Variants in SPNS3 observed in about 807,000 individuals in gnomAD.
The protein encoded by SPNS3 is protein spinster homolog 3.
A neutral mutation model predicts 54.4 loss-of-function variants in SPNS3; 51 were observed. That is an observed-to-expected ratio of 0.94 (90% confidence interval 0.75 to 1.18). The LOEUF (loss-of-function observed/expected upper bound fraction) is 1.18. Ranked by LOEUF, SPNS3 falls within the 50% of genes most tolerant of loss-of-function variation. SPNS3 has a pLI of 0.00. For synonymous variants in SPNS3, 309 were observed against 294.7 expected, an observed-to-expected ratio of 1.05 and a Z score of -0.50; for missense variants, 669 against 677.4, an observed-to-expected ratio of 0.99 and a Z score of 0.14.
Position 4,433,980 on chromosome 17 carries a change from A to G in SPNS3, c.13A>G (p.Met5Val), listed in dbSNP as rs753896781. The G allele has an allele frequency of 6.5e-7, 1 of 1,538,368 alleles. No individual in the cohort carries two copies. MAGG[M>V]SAECPEPGPG... is the part of the protein sequence containing the mutation. ...GCTGCAGGCTGGCATGGCTGGGGGG[A>G]TGTCAGCGGAGTGCCCTGAGCCTGG... Residue 5 changes from methionine to valine, a missense_variant, in exon 1 of 12, where the codon ATG (methionine) becomes GTG (valine). Coordinates refer to ENST00000355530, the MANE Select transcript of SPNS3 (RefSeq NM_182538.5).
chr17:4,438,202 A>T (rs1352867166), intron 1 of SPNS3, among the ~76,000 whole-genome samples: 1 of 152,156 alleles, frequency 6.6e-6, no homozygotes, highest in Non-Finnish European at 1.5e-5. Context: ...GCGGGGACCC[A>T]CTTGGGGGCT....
At chr17:4,452,102 C>T (rs1288135068) in intron 7 of SPNS3, among the ~76,000 whole-genome samples, 2 of 151,288 alleles carry the variant, frequency 1.3e-5, no homozygotes, top group Admixed American at 1.3e-4. Flanking sequence ...TTTTCTCAGC[C>T]TCACCTTGCT....
At position 4,479,232 on chromosome 17, in the gene SPNS3, T is replaced by G. The variant is rs1271045577; in HGVS notation, c.1179+595T>G. ...CTGGGATTACAGGCGTGAGCCACCG[T>G]GCCTGGCCCCTCCCTCCTTCTTTCT... On this transcript the variant is annotated intron_variant, in intron 9 of 11. Coordinates refer to ENST00000355530, the MANE Select transcript of SPNS3 (RefSeq NM_182538.5). 9.8e-5 allele frequency among the ~76,000 whole-genome samples: 15 copies of G among 152,362 alleles called. 1 individual carries two copies. In the East Asian group the frequency reaches 2.7e-3, roughly 27 times the overall value.
chr17:4,452,510 G>A (rs1339043647), intron 7 of SPNS3, among the ~76,000 whole-genome samples: 1 of 152,002 alleles, frequency 6.6e-6, no homozygotes, highest in African/African-American at 2.4e-5. Flanking sequence ...TGGAAGGATG[G>A]GATTCAAGGA....
chr17:4,486,640 C>A lies in SPNS3; in HGVS notation c.1450+57C>A. ...GGGCCGGCACCCTAGGGACAGACAG[C>A]ACTGGCCACCCCCTGAATCCCTGGC... On this transcript the variant is annotated intron_variant, in intron 11 of 11. Coordinates refer to ENST00000355530, the MANE Select transcript of SPNS3 (RefSeq NM_182538.5). This position sits in a 1 kb window ranked among gnomAD's most constrained non-coding sequence, Gnocchi z 5.5. The A allele has an allele frequency of 1.3e-6, 2 of 1,523,638 alleles. No individual in the cohort carries two copies. Among genetic ancestry groups the A allele is most frequent in the Non-Finnish European group, 1.8e-6 (2 of 1,125,218 alleles). The allele number at this position is 1,523,638 out of a possible 1,614,324, so 94.4% of individuals were successfully genotyped here. A position where few individuals can be genotyped will look rare whatever the true frequency, so the allele number is the denominator to read the frequency against.
chr17:4,486,341 C>G lies in SPNS3; in HGVS notation c.1278+15C>G. The G allele has an allele frequency of 1.4e-6, 2 of 1,380,926 alleles. No homozygotes were observed. Among genetic ancestry groups the G allele is most frequent in the Non-Finnish European group, 2.0e-6 (2 of 996,036 alleles). 85.5% of individuals were successfully genotyped at this position (1,380,926 alleles called of 1,614,324 possible). On this transcript the variant is annotated intron_variant, in intron 10 of 11. Coordinates refer to ENST00000355530, the MANE Select transcript of SPNS3 (RefSeq NM_182538.5). This position sits in a 1 kb window ranked among gnomAD's most constrained non-coding sequence, Gnocchi z 5.5. ...TCACAGGACTTGTAAGACGTGTCTG[C>G]GTGTGTGGGGTGGGGAGGGTCTGGG... is the stretch of plus-strand genomic sequence containing the variant.
chr17:4,479,507 T>C (rs942663495), intron 9 of SPNS3, among the ~76,000 whole-genome samples: 1 of 152,254 alleles, frequency 6.6e-6, no homozygotes, highest in Admixed American at 6.5e-5. Flanking sequence ...CCAGCCTCCT[T>C]GCCTCCTTCT....
rs1970657949 is a variant in SPNS3, at chr17:4,434,234, A to G, written c.199+68A>G. ...CCCACCAGCCAGGGGCTGCAGATCCATGGTGGCCTTCCAGCCATCACCCAT... is the reference window on the plus strand; with the variant it reads ...CCCACCAGCCAGGGGCTGCAGATCCGTGGTGGCCTTCCAGCCATCACCCAT... On this transcript the variant is annotated intron_variant, in intron 1 of 11. Transcript: ENST00000355530. The G allele has an allele frequency of 8.3e-6, 12 of 1,439,566 alleles. No individual in the cohort carries two copies. The East Asian group carries it at 2.6e-4, about 32-fold the overall frequency. 89.2% of individuals were successfully genotyped at this position (1,439,566 alleles called of 1,614,324 possible).
intron 9 of SPNS3, among the ~76,000 whole-genome samples, chr17:4,485,600 T>C (rs777035117): frequency 6.6e-6 from 1 of 152,168 alleles, no homozygotes; most frequent in Non-Finnish European, 1.5e-5. Flanking sequence ...TTTCACCATG[T>C]TGCCAGGCTG....
chr17:4,481,671 C>T (rs938142491), intron 9 of SPNS3, among the ~76,000 whole-genome samples: 2 of 152,202 alleles, frequency 1.3e-5, no homozygotes, highest in African/African-American at 4.8e-5. Context: ...AGCCTGGCTC[C>T]TCACTAGCTG....
At chr17:4,434,236 G>A in intron 1 of SPNS3, 70 bp downstream of exon 1, 1 of 1,435,262 alleles carries the variant, frequency 7.0e-7, no homozygotes, top group Non-Finnish European at 9.6e-7. Flanking sequence ...GCAGATCCAT[G>A]GTGGCCTTCC....
At chr17:4,455,324 C>T (rs1971278120) in intron 8 of SPNS3, among the ~76,000 whole-genome samples, 1 of 152,210 alleles carries the variant, frequency 6.6e-6, no homozygotes, top group South Asian at 2.1e-4. Flanking sequence ...TGACATCTCC[C>T]CTCCCCTTGC....
intron 8 of SPNS3, 129 bp downstream of exon 8, chr17:4,453,334 A>G: frequency 1.1e-6 from 1 of 888,316 alleles, no homozygotes; most frequent in South Asian, 1.7e-5. Flanking sequence ...AGAGCTTGTT[A>G]TCCCCATTTT....
intron 8 of SPNS3, 40 bp from the exon 9 acceptor site, chr17:4,478,532 G>A (rs1972071340): frequency 1.3e-6 from 2 of 1,548,424 alleles, no homozygotes; most frequent in East Asian, 4.8e-5. Context: ...TTGGTGACTG[G>A]GATCTGGGAA....
At chr17:4,469,344 C>T (rs971939785) in intron 8 of SPNS3, among the ~76,000 whole-genome samples, 1 of 152,108 alleles carries the variant, frequency 6.6e-6, no homozygotes, top group Non-Finnish European at 1.5e-5. Flanking sequence ...GCCTCGGCCT[C>T]CCAAAGTGCT....
Position 4,486,479 on chromosome 17 carries a change from G to A in SPNS3, c.1346G>A (p.Ser449Asn), listed in dbSNP as rs953210549. The change falls in exon 11 of 12, where the codon AGC (serine) becomes AAC (asparagine). Residue 449 changes from serine (S) to asparagine (N), a missense_variant. Transcript: ENST00000355530. The surrounding 1 kb of genome is among the most constrained non-coding windows in gnomAD (Gnocchi z 5.5). Reference protein sequence around the residue: ...YLQRFRSLQQSFLCCAFVIAL... With the variant: ...YLQRFRSLQQNFLCCAFVIAL... ...CAGCGCTTCCGCAGCCTGCAGCAGA[G>A]CTTCCTGTGCTGCGCCTTTGTCATC... 2 of 1,613,486 alleles carry A rather than the reference G, an allele frequency of 1.2e-6. No individual in the cohort carries two copies. The highest frequency in any genetic ancestry group is 2.2e-5 in the East Asian group (1 of 44,894).
rs774420953 is a variant in SPNS3, at chr17:4,486,450, T to C, written c.1317T>C (p.Tyr439=). 2 of 1,612,574 alleles carry C rather than the reference T, an allele frequency of 1.2e-6. No individual in the cohort carries two copies. The highest frequency in any genetic ancestry group is 1.7e-6 in the Non-Finnish European group (2 of 1,179,432). ...SVLRARRPDS[Y]LQRFRSLQQS... is the part of the protein sequence containing the mutation. ...TGCGGGCCAGGCGCCCTGACTCCTA[T>C]CTGCAGCGCTTCCGCAGCCTGCAGC... Residue 439 remains tyrosine, a synonymous_variant, in exon 11 of 12, where the codon TAT becomes TAC. Coordinates refer to ENST00000355530, the MANE Select transcript of SPNS3 (RefSeq NM_182538.5). The surrounding 1 kb of genome is among the most constrained non-coding windows in gnomAD (Gnocchi z 5.5).
intron 8 of SPNS3, among the ~76,000 whole-genome samples, chr17:4,460,280 G>A (rs778035297): frequency 3.9e-5 from 6 of 152,070 alleles, no homozygotes; most frequent in African/African-American, 7.2e-5. Flanking sequence ...TTTGTCTTCC[G>A]CATCTATTGA....
At chr17:4,481,991 C>A (rs186080037) in intron 9 of SPNS3, 2 of 152,062 alleles carry the variant, frequency 1.3e-5, no homozygotes, top group African/African-American at 2.4e-5. Flanking sequence ...TGGGTTCAAG[C>A]GATTCTCCTG....
Sources: allele counts gnomAD v4.1 joint callset (sites outside exome capture counted in the v4.1 genomes callset), GRCh38; gene constraint gnomAD v4.1.1; non-coding constraint Gnocchi (gnomAD v3.1); transcripts MANE v1.5; gene names NCBI Gene and HGNC (gene_info 2026-07-23, HGNC 2026-07-21).